Variants in PDE3B observed in about 807,000 individuals in gnomAD.
The protein encoded by PDE3B is cGMP-inhibited 3',5'-cyclic phosphodiesterase 3B.
In PDE3B, 66 loss-of-function variants were observed where a neutral mutation model predicts 116.8. The observed-to-expected ratio is 0.56, with a 90% confidence interval of 0.46 to 0.69. PDE3B has a LOEUF of 0.69. PDE3B is among the 30% of genes least tolerant of loss of function. The pLI, the probability that PDE3B is intolerant of heterozygous loss-of-function variation, is 0.00. For synonymous variants in PDE3B, 595 were observed against 533.6 expected, an observed-to-expected ratio of 1.12 and a Z score of -1.59; for missense variants, 1,384 against 1,368.1, an observed-to-expected ratio of 1.01 and a Z score of -0.18.
chr11:14,655,357 A>T (rs1032038482), intron 1 of PDE3B, among the ~76,000 whole-genome samples: 1 of 152,140 alleles, frequency 6.6e-6, no homozygotes, highest in African/African-American at 2.4e-5. Context: ...ATACACACAC[A>T]TATAATTATT....
intron 2 of PDE3B, among the ~76,000 whole-genome samples, chr11:14,786,084 C>T (rs182555340): frequency 6.6e-5 from 10 of 152,018 alleles, no homozygotes; most frequent in African/African-American, 2.2e-4. Context: ...GCTACAAAAC[C>T]TTGTCACTGT....
chr11:14,745,611 C>G (rs940272022), intron 1 of PDE3B, among the ~76,000 whole-genome samples: 3 of 152,180 alleles, frequency 2.0e-5, no homozygotes, highest in African/African-American at 7.2e-5. Flanking sequence ...AGCTGGAATT[C>G]AGTGCCAAAT....
intron 1 of PDE3B, among the ~76,000 whole-genome samples, chr11:14,767,446 T>A (rs1857526937): frequency 6.6e-6 from 1 of 151,580 alleles, no homozygotes; most frequent in Non-Finnish European, 1.5e-5. Flanking sequence ...AGGTTCAACA[T>A]TTATTCCGAG....
At chr11:14,676,943 A>G (rs922409785) in intron 1 of PDE3B, among the ~76,000 whole-genome samples, 2 of 151,964 alleles carry the variant, frequency 1.3e-5, no homozygotes, top group African/African-American at 4.8e-5. Flanking sequence ...TAGAAGTTTT[A>G]TGGTGTATGA....
In PDE3B at chr11:14,830,941, A is replaced by G. The variant is rs547928689; in HGVS notation, c.1956+95A>G. 2.0e-4 allele frequency: 156 copies of G among 781,002 alleles called. 2 individuals are homozygous for G. The Admixed American group carries it at 4.4e-3, about 22-fold the overall frequency. 48.4% of individuals were successfully genotyped at this position (781,002 alleles called of 1,614,324 possible). ...TTTTGCCCAGAACAAGATTTTTAAT[A>G]TAGTAGTATTTTTTAATTTTTTTAC... On this transcript the variant is annotated intron_variant, in intron 8 of 15. Coordinates refer to ENST00000282096, the MANE Select transcript of PDE3B (RefSeq NM_000922.4).
At chr11:14,650,237 T>G (rs1408261506) in intron 1 of PDE3B, among the ~76,000 whole-genome samples, 2 of 151,264 alleles carry the variant, frequency 1.3e-5, no homozygotes. Context: ...GGTCTCACTC[T>G]GTTGCCCAGG....
At chr11:14,827,046 T>C (rs563935504) in intron 7 of PDE3B, among the ~76,000 whole-genome samples, 1 of 152,258 alleles carries the variant, frequency 6.6e-6, no homozygotes, top group Admixed American at 6.5e-5. Context: ...ATTCATCACA[T>C]AAACAGAACT....
intron 1 of PDE3B, among the ~76,000 whole-genome samples, chr11:14,705,947 T>C (rs1855519674): frequency 6.6e-6 from 1 of 151,932 alleles, no homozygotes; most frequent in African/African-American, 2.4e-5. Context: ...AATGTGGCAA[T>C]AGTCACTTCA....
At position 14,867,253 on chromosome 11, in the gene PDE3B, T is replaced by C. The variant is rs527571578; in HGVS notation, c.2887-253T>C. 1.9e-3 allele frequency among the ~76,000 whole-genome samples: 290 copies of C among 152,346 alleles called. 1 individual carries two copies. The highest frequency in any genetic ancestry group is 6.4e-3 in the African/African-American group (266 of 41,580). On this transcript the variant is annotated intron_variant, in intron 14 of 15. Coordinates refer to ENST00000282096, the MANE Select transcript of PDE3B (RefSeq NM_000922.4). Reference sequence around the variant, plus strand: ...GTAAAATATCTGATACTTATTTTAATAGATCTGTATGTTTCTTATTAACTG... The same window carrying C: ...GTAAAATATCTGATACTTATTTTAACAGATCTGTATGTTTCTTATTAACTG...
At chr11:14,812,551 TAA>T (rs2097441080) in intron 5 of PDE3B, among the ~76,000 whole-genome samples, 1 of 152,312 alleles carries the variant, frequency 6.6e-6, no homozygotes, top group African/African-American at 2.4e-5. Flanking sequence ...TAAGAAGCTA[TAA>T]GTTTCACAGC....
chr11:14,854,183 G>GTGTGTTTCTAATTGGATGC (rs1847806943), intron 12 of PDE3B, among the ~76,000 whole-genome samples: 1 of 152,094 alleles, frequency 6.6e-6, no homozygotes, highest in Non-Finnish European at 1.5e-5. Flanking sequence ...AGAGACTCCT[G>GTGTGTTTCTAATTGGATGC]TTACCATTTG....
intron 1 of PDE3B, among the ~76,000 whole-genome samples, chr11:14,769,624 A>T (rs1590129225): frequency 6.8e-6 from 1 of 147,376 alleles, no homozygotes; most frequent in Non-Finnish European, 1.5e-5. Context: ...TTTATATTGT[A>T]TATACATATG....
At position 14,832,829 on chromosome 11, in the gene PDE3B, T is replaced by G. The variant is rs1272414242; in HGVS notation, c.2202T>G (p.Ile734Met). 1 of 1,278,098 alleles carries G rather than the reference T, an allele frequency of 7.8e-7. No individual in the cohort carries two copies. The highest frequency in any genetic ancestry group is 1.1e-6 in the Non-Finnish European group (1 of 891,634). The allele number at this position is 1,278,098 out of a possible 1,614,324, so 79.2% of individuals were successfully genotyped here. A position where few individuals can be genotyped will look rare whatever the true frequency, so the allele number is the denominator to read the frequency against. Residue 734 changes from isoleucine to methionine, a missense_variant, in exon 10 of 16, where the codon ATT (isoleucine) becomes ATG (methionine). By Grantham distance (10) the Ile-to-Met change is conservative (BLOSUM62 1). This residue lies in a region of PDE3B where 428 missense variants were observed against 561.4 expected (regional missense o/e 0.76). Coordinates refer to ENST00000282096, the MANE Select transcript of PDE3B (RefSeq NM_000922.4). ...CATTAGAAAATGGCTATCGAGACAT[T>G]CCTTGTAAGTATTAACATATTTTAT... ...FRALENGYRD[I>M]PYHNRIHATD...
At position 14,861,232 on chromosome 11, in the gene PDE3B, G is replaced by T; in HGVS notation, c.2752G>T (p.Glu918Ter). Residue 918 changes from glutamate to a stop codon, truncating the protein, a stop_gained, in exon 14 of 16, where the codon GAA becomes TAA. Coordinates refer to ENST00000282096, the MANE Select transcript of PDE3B (RefSeq NM_000922.4). LOFTEE classifies it high-confidence loss of function. ...AAATGATGTAAATAGTAATGGCATA[G>T]AATGGAGTAATGAAAATGATCGCCT... Reference protein sequence around the residue: ...KANDVNSNGIEWSNENDRLLV... With the variant: ...KANDVNSNGI 1 of 1,613,502 alleles carries T rather than the reference G, an allele frequency of 6.2e-7. No homozygotes were observed. Among genetic ancestry groups the T allele is most frequent in the Non-Finnish European group, 8.5e-7 (1 of 1,179,536 alleles).
chr11:14,768,999 C>G (rs1032731632), intron 1 of PDE3B, among the ~76,000 whole-genome samples: 2 of 151,440 alleles, frequency 1.3e-5, no homozygotes, highest in African/African-American at 4.8e-5. Flanking sequence ...CTCTTTGTGG[C>G]TTTCTGTGTA....
At chr11:14,853,784 C>T (rs1319266214) in intron 12 of PDE3B, among the ~76,000 whole-genome samples, 1 of 152,084 alleles carries the variant, frequency 6.6e-6, no homozygotes, top group Non-Finnish European at 1.5e-5. Context: ...GGAGGAATGT[C>T]AGTATTAATA....
At chr11:14,834,151 G>A (rs981802007) in intron 10 of PDE3B, among the ~76,000 whole-genome samples, 3 of 152,060 alleles carry the variant, frequency 2.0e-5, no homozygotes, top group African/African-American at 2.4e-5. Context: ...CCCAGTGTAC[G>A]CCATGTCATA....
In PDE3B at chr11:14,830,734, A is replaced by G. The variant is rs758278089; in HGVS notation, c.1844A>G (p.Lys615Arg). 5.4e-6 allele frequency: 8 copies of G among 1,491,326 alleles called. No homozygotes were observed. In the Admixed American group the frequency reaches 1.7e-4, roughly 32 times the overall value. 92.4% of individuals were successfully genotyped at this position (1,491,326 alleles called of 1,614,324 possible). ...AACATTTTCTCGAAAGAATCATTCA[A>G]ACTTATGGAAACTCAACAAGAAGAG... Reference protein sequence around the residue: ...EENIFSKESFKLMETQQEEET... With the variant: ...EENIFSKESFRLMETQQEEET... Residue 615 changes from lysine (K) to arginine (R), a missense_variant, in exon 8 of 16, where the codon AAA becomes AGA. Physicochemically the swap from Lys to Arg is conservative, Grantham distance 26. Coordinates refer to ENST00000282096, the MANE Select transcript of PDE3B (RefSeq NM_000922.4).
intron 1 of PDE3B, among the ~76,000 whole-genome samples, chr11:14,717,420 C>T (rs1372033785): frequency 5.1e-4 from 39 of 76,430 alleles, no homozygotes; most frequent in Middle Eastern, 6.8e-3. Flanking sequence ...ATACAGAGAA[C>T]GCCACAAAGA....
Sources: allele counts gnomAD v4.1 joint callset (sites outside exome capture counted in the v4.1 genomes callset), GRCh38; gene constraint gnomAD v4.1.1; regional missense constraint gnomAD v4.1.1; transcripts MANE v1.5; gene names NCBI Gene and HGNC (gene_info 2026-07-23, HGNC 2026-07-21).